UBIAD1: variants seen among roughly 807,000 people sequenced by gnomAD.
UBIAD1 encodes the protein UbiA prenyltransferase domain containing 1, also known as ubiA prenyltransferase domain-containing protein 1.
A neutral mutation model predicts 20.1 loss-of-function variants in UBIAD1; 12 were observed. The ratio of observed to expected loss-of-function variants is 0.60; its 90% CI spans 0.38 to 0.97. The LOEUF (loss-of-function observed/expected upper bound fraction) is 0.97. Ranked by LOEUF, UBIAD1 falls within the 50% of genes least tolerant of loss-of-function variation. The pLI is 0.00. For missense variants in UBIAD1, 333 were observed against 419.5 expected (o/e 0.79, Z 1.80); for synonymous variants, 207 against 189.2 (o/e 1.09, Z -0.77).
At chr1:11,290,441 C>T (rs897675462), downstream of UBIAD1, among the ~76,000 whole-genome samples, 1 of 152,196 alleles carries the variant, frequency 6.6e-6, no homozygotes, top group African/African-American at 2.4e-5. Context: ...GCCAGTGGGG[C>T]ACAGATCCTG....
intron 1 of UBIAD1, among the ~76,000 whole-genome samples, chr1:11,275,844 C>T (rs36082362): frequency 0.041 from 6,186 of 152,136 alleles, 230 homozygotes; most frequent in African/African-American, 0.097. Flanking sequence ...AAAGCAACAG[C>T]AAGTGCCATA....
At chr1:11,276,516 T>C (rs974355675) in intron 1 of UBIAD1, among the ~76,000 whole-genome samples, 1 of 151,344 alleles carries the variant, frequency 6.6e-6, no homozygotes, top group Non-Finnish European at 1.5e-5. Context: ...ATACAAAAAT[T>C]AGCCAGGCGT....
At chr1:11,279,981 A>G (rs905934506) in intron 1 of UBIAD1, among the ~76,000 whole-genome samples, 5 of 152,218 alleles carry the variant, frequency 3.3e-5, no homozygotes, top group African/African-American at 1.2e-4. Flanking sequence ...CAGAGGAGTA[A>G]GAGGAAAATC....
downstream of UBIAD1, among the ~76,000 whole-genome samples, chr1:11,291,754 T>G (rs1638371430): frequency 6.6e-6 from 1 of 152,212 alleles, no homozygotes; most frequent in East Asian, 1.9e-4. Flanking sequence ...AGAACCACAC[T>G]TTGAAGATGT....
downstream of UBIAD1, chr1:11,295,530 C>T (rs1569914126): frequency 1.3e-5 from 2 of 153,058 alleles, no homozygotes; most frequent in South Asian, 2.1e-4. Context: ...TTTAATCATC[C>T]ACAGCTGCCA....
chr1:11,275,595 T>C (rs538314225), intron 1 of UBIAD1, among the ~76,000 whole-genome samples: 2 of 151,932 alleles, frequency 1.3e-5, no homozygotes, highest in South Asian at 2.1e-4. Context: ...ATAAAAAATA[T>C]TAGCTGGGCA....
intron 1 of UBIAD1, among the ~76,000 whole-genome samples, chr1:11,274,638 C>A (rs1035770035): frequency 1.3e-5 from 2 of 151,572 alleles, no homozygotes; most frequent in Non-Finnish European, 2.9e-5. Context: ...GAGACAGAGT[C>A]TCGCTCTGTT....
downstream of UBIAD1, among the ~76,000 whole-genome samples, chr1:11,296,351 AC>A (rs770144773): frequency 2.1e-4 from 32 of 152,204 alleles, no homozygotes; most frequent in African/African-American, 6.0e-4. Context: ...CCCCCGGGAT[AC>A]CCTCAGACAA....
Position 11,273,406 on chromosome 1 carries a change from A to G in UBIAD1, c.-126A>G. On this transcript the variant is annotated 5_prime_UTR_variant, in exon 1 of 2. Coordinates refer to ENST00000376810, the MANE Select transcript of UBIAD1 (RefSeq NM_013319.3). This position sits in a 1 kb window ranked among gnomAD's most constrained non-coding sequence, Gnocchi z 4.9. ...TGCCCCCGGACCTTGCCGCCACACC[A>G]GCCCTGTCCTGGGGCGGAACCGAAG... 8.0e-7 allele frequency: 1 copy of G among 1,248,070 alleles called. No individual in the cohort carries two copies. The allele number at this position is 1,248,070 out of a possible 1,614,324, so 77.3% of individuals were successfully genotyped here.
chr1:11,279,830 A>G (rs978398755), intron 1 of UBIAD1, among the ~76,000 whole-genome samples: 1 of 152,198 alleles, frequency 6.6e-6, no homozygotes, highest in South Asian at 2.1e-4. Flanking sequence ...TGGTCTATAG[A>G]TAAAGTTGTA....
Position 11,273,261 on chromosome 1 carries a change from G to A in UBIAD1, c.-271G>A, listed in dbSNP as rs1651840546. The A allele has an allele frequency of 2.1e-6, 1 of 485,794 alleles. No homozygotes were observed. Among genetic ancestry groups the A allele is most frequent in the Non-Finnish European group, 3.7e-6 (1 of 269,754 alleles). The allele number at this position is 485,794 out of a possible 1,614,324, so 30.1% of individuals were successfully genotyped here. On this transcript the variant is annotated 5_prime_UTR_variant, in exon 1 of 2. Transcript: ENST00000376810. This position sits in a 1 kb window ranked among gnomAD's most constrained non-coding sequence, Gnocchi z 4.9. ...GCGGCTCTGGCGGCCTAAAGAAGGC[G>A]GCCGCGGCTCAGCCGTGGGCTCTAA...
chr1:11,295,092 GT>G (rs1638426543), exon 2 of UBIAD1: 1 of 614,422 alleles, frequency 1.6e-6, no homozygotes, highest in Non-Finnish European at 2.9e-6. Context: ...AACTCTTCGG[GT>G]TCAGTGTGCT....
chr1:11,281,167 C>T (rs1485511357), intron 1 of UBIAD1, among the ~76,000 whole-genome samples: 2 of 152,176 alleles, frequency 1.3e-5, no homozygotes, highest in African/African-American at 2.4e-5. Context: ...ATGTGGTTCA[C>T]TTTCTCACTT....
Position 11,273,696 on chromosome 1 carries a change from C to G in UBIAD1, c.165C>G (p.Pro55=), listed in dbSNP as rs1557513927. The G allele has an allele frequency of 1.2e-6, 2 of 1,614,206 alleles. No individual in the cohort carries two copies. Among genetic ancestry groups the G allele is most frequent in the East Asian group, 4.5e-5 (2 of 44,892 alleles). The change falls in exon 1 of 2, where the codon CCC becomes CCG. Residue 55 remains proline, a synonymous_variant. Transcript: ENST00000376810. The surrounding 1 kb of genome is among the most constrained non-coding windows in gnomAD (Gnocchi z 4.9). Reference sequence around the variant, plus strand: ...CCTCCTACGTGTTGGCCCTGAGGCCCTGGAGCTTCAGTGCCTCACTCACAC... The same window carrying G: ...CCTCCTACGTGTTGGCCCTGAGGCCGTGGAGCTTCAGTGCCTCACTCACAC... ...KCASYVLALR[P]WSFSASLTPV... is the part of the protein sequence containing the mutation.
chr1:11,288,549 G>A (rs932641728), downstream of UBIAD1: 24 of 152,248 alleles, frequency 1.6e-4, no homozygotes, highest in African/African-American at 5.5e-4. Flanking sequence ...AGGCTGTGCA[G>A]AGGGGCACCT....
chr1:11,275,511 C>T (rs1461642511), intron 1 of UBIAD1, among the ~76,000 whole-genome samples: 1 of 152,066 alleles, frequency 6.6e-6, no homozygotes, highest in Non-Finnish European at 1.5e-5. Context: ...GAGGCTGAAG[C>T]GAGAGGATCG....
intron 1 of UBIAD1, among the ~76,000 whole-genome samples, chr1:11,275,306 G>A (rs1245605051): frequency 6.6e-6 from 1 of 152,204 alleles, no homozygotes; most frequent in East Asian, 1.9e-4. Context: ...AACCAGAAAA[G>A]TTCCTGGTAA....
downstream of UBIAD1, among the ~76,000 whole-genome samples, chr1:11,292,702 C>A (rs958906662): frequency 1.3e-5 from 2 of 151,356 alleles, no homozygotes; most frequent in Non-Finnish European, 2.9e-5. Context: ...CACACACACA[C>A]ACACACACAC....
chr1:11,299,135 C>T (rs1638492706), downstream of UBIAD1, among the ~76,000 whole-genome samples: 1 of 152,198 alleles, frequency 6.6e-6, no homozygotes, highest in South Asian at 2.1e-4. Context: ...CCCTGGAAAC[C>T]CCACTGCCTG....
Sources: allele counts gnomAD v4.1 joint callset (sites outside exome capture counted in the v4.1 genomes callset), GRCh38; gene constraint gnomAD v4.1.1; non-coding constraint Gnocchi (gnomAD v3.1); transcripts MANE v1.5; gene names NCBI Gene and HGNC (gene_info 2026-07-23, HGNC 2026-07-21).